MYO10: variants seen among roughly 807,000 people sequenced by gnomAD.
MYO10 encodes the protein myosin X, also known as unconventional myosin-X.
A neutral mutation model predicts 257.3 loss-of-function variants in MYO10; 133 were observed. The ratio of observed to expected loss-of-function variants is 0.52; its 90% confidence interval spans 0.45 to 0.60. The LOEUF (loss-of-function observed/expected upper bound fraction) is 0.60. Ranked by LOEUF, MYO10 falls within the 20% of genes least tolerant of loss-of-function variation. MYO10 has a pLI of 0.00. For synonymous variants in MYO10, 1,104 were observed against 1,028.6 expected, an observed-to-expected ratio of 1.07 and a Z score of -1.40; for missense variants, 2,399 against 2,635.7, an observed-to-expected ratio of 0.91 and a Z score of 1.97.
At chr5:16,695,044 G>A (rs1368805406) in intron 26 of MYO10, among the ~76,000 whole-genome samples, 3 of 152,102 alleles carry the variant, frequency 2.0e-5, no homozygotes, top group Non-Finnish European at 4.4e-5. Flanking sequence ...TTCTTTACCC[G>A]TTTTTTGGGC....
intron 1 of MYO10, among the ~76,000 whole-genome samples, chr5:16,926,329 C>T (rs1580159128): frequency 6.6e-6 from 1 of 152,134 alleles, no homozygotes; most frequent in East Asian, 1.9e-4. Flanking sequence ...CTAAATAGTG[C>T]TGTATGAATT....
At chr5:16,729,394 A>AT (rs1177328641) in intron 19 of MYO10, among the ~76,000 whole-genome samples, 1 of 151,634 alleles carries the variant, frequency 6.6e-6, no homozygotes, top group African/African-American at 2.4e-5. Flanking sequence ...AAATCCAAAT[A>AT]TTTTTGTATT....
At chr5:16,773,686 A>C (rs1411146318) in intron 9 of MYO10, among the ~76,000 whole-genome samples, 2 of 151,470 alleles carry the variant, frequency 1.3e-5, no homozygotes, top group African/African-American at 4.8e-5. Flanking sequence ...AAAGTGAAAT[A>C]AGTAGTAGAA....
intron 39 of MYO10, 97 bp from the exon 40 acceptor site, chr5:16,668,565 G>A: frequency 1.0e-6 from 1 of 981,732 alleles, no homozygotes; most frequent in Non-Finnish European, 1.4e-6. Flanking sequence ...AGTCCTCTGT[G>A]CAGAAGATTA....
intron 29 of MYO10, 36 bp from the exon 30 acceptor site, chr5:16,683,971 G>T: frequency 6.3e-7 from 1 of 1,596,716 alleles, no homozygotes; most frequent in African/African-American, 1.3e-5. Context: ...AATGAGAGAA[G>T]CACTAAAGTA....
chr5:16,677,939 T>C (rs1736812215), intron 33 of MYO10, among the ~76,000 whole-genome samples: 2 of 151,902 alleles, frequency 1.3e-5, no homozygotes, highest in African/African-American at 4.8e-5. Flanking sequence ...TTTTGTATTT[T>C]CACAAGAGAC....
chr5:16,820,465 C>T (rs1474715242), intron 2 of MYO10, among the ~76,000 whole-genome samples: 1 of 152,180 alleles, frequency 6.6e-6, no homozygotes, highest in African/African-American at 2.4e-5. Flanking sequence ...CACCTGCCAG[C>T]TCCCGGCACA....
intron 19 of MYO10, among the ~76,000 whole-genome samples, chr5:16,715,309 C>T (rs1377288249): frequency 4.7e-5 from 7 of 150,454 alleles, no homozygotes; most frequent in Admixed American, 3.3e-4. Context: ...TACATATATG[C>T]GTATAAATGT....
chr5:16,839,611 C>T (rs775889895), intron 2 of MYO10, among the ~76,000 whole-genome samples: 19 of 151,972 alleles, frequency 1.3e-4, no homozygotes, highest in East Asian at 3.9e-4. Flanking sequence ...GGCACGGTGG[C>T]GTATGCCTGC....
rs1180908993 is a variant in MYO10, at chr5:16,893,012, G to A, written c.22-15305C>T. On this transcript the variant is annotated intron_variant, in intron 1 of 40. Transcript: ENST00000513610. Reference sequence around the variant, plus strand: ...AGATCAAGACCATCCTGGCTAACACGGTGAAGCCCCATCTCTACTAAAAAT... The same window carrying A: ...AGATCAAGACCATCCTGGCTAACACAGTGAAGCCCCATCTCTACTAAAAAT... 7.2e-5 allele frequency among the ~76,000 whole-genome samples: 11 copies of A among 151,906 alleles called. No individual in the cohort carries two copies. The South Asian group carries it at 1.0e-3, about 14-fold the overall frequency.
At chr5:16,837,267 A>G (rs1743343259) in intron 2 of MYO10, among the ~76,000 whole-genome samples, 1 of 152,128 alleles carries the variant, frequency 6.6e-6, no homozygotes, top group South Asian at 2.1e-4. Flanking sequence ...CCAAGATCAC[A>G]CCATTGCACT....
intron 2 of MYO10, among the ~76,000 whole-genome samples, chr5:16,823,558 G>A (rs1213442570): frequency 2.6e-4 from 35 of 134,592 alleles, no homozygotes; most frequent in African/African-American, 6.6e-4. Flanking sequence ...TGCAAACTCC[G>A]CCTCCAGGGT....
intron 39 of MYO10, among the ~76,000 whole-genome samples, chr5:16,669,737 A>G (rs1006992212): frequency 1.3e-5 from 2 of 152,228 alleles, no homozygotes; most frequent in Admixed American, 1.3e-4. Context: ...AATTTTATAC[A>G]GCCTCAATAT....
chr5:16,779,724 A>T (rs1446130911), intron 8 of MYO10, 76 bp from the exon 9 acceptor site: 11 of 799,966 alleles, frequency 1.4e-5, no homozygotes, highest in Non-Finnish European at 2.1e-5. Flanking sequence ...CTGACTTTTT[A>T]AAGTATATAT....
intron 19 of MYO10, among the ~76,000 whole-genome samples, chr5:16,714,646 C>T (rs970765712): frequency 2.6e-5 from 4 of 152,108 alleles, no homozygotes; most frequent in East Asian, 3.9e-4. Context: ...GGTGAAACCC[C>T]GTCTCTACTA....
chr5:16,702,836 T>A, intron 23 of MYO10, 89 bp downstream of exon 23: 1 of 1,239,408 alleles, frequency 8.1e-7, no homozygotes, highest in Non-Finnish European at 1.1e-6. Flanking sequence ...CTGGGGCATC[T>A]GCTGGGATTT....
intron 4 of MYO10, among the ~76,000 whole-genome samples, chr5:16,790,801 G>A (rs1051365450): frequency 3.9e-5 from 6 of 151,920 alleles, no homozygotes; most frequent in African/African-American, 1.2e-4. Context: ...CCTATACGGT[G>A]TATGAAAAAC....
rs1183208407 is a variant in MYO10, at chr5:16,786,776, C to G, written c.468-3307G>C. On this transcript the variant is annotated intron_variant, in intron 4 of 40. Coordinates refer to ENST00000513610, the MANE Select transcript of MYO10 (RefSeq NM_012334.3). ...AAAACCCTCAGATTTGCACAGAGCT[C>G]TACGGTGGTGGCTCTCAACCCTGGC... Among the ~76,000 whole-genome samples, 3 of 152,072 alleles carry G rather than the reference C, an allele frequency of 2.0e-5. No individual in the cohort carries two copies. In the East Asian group the frequency reaches 5.8e-4, roughly 29 times the overall value.
chr5:16,930,795 G>T (rs971642892), intron 1 of MYO10, among the ~76,000 whole-genome samples: 3 of 152,214 alleles, frequency 2.0e-5, no homozygotes, highest in Admixed American at 2.0e-4. Context: ...TCCCATCGGA[G>T]GGAGCCAAGC....
Sources: gnomAD v4.1 joint callset for allele counts (sites outside exome capture counted in the v4.1 genomes callset) on GRCh38, gnomAD v4.1.1 for gene constraint, MANE v1.5 for transcripts, NCBI Gene and HGNC (gene_info 2026-07-23, HGNC 2026-07-21) for gene names.